The following HEPHL1 variants were observed in gnomAD, a reference collection of about 807,000 sequenced individuals.
HEPHL1 encodes hephaestin like 1, also known as ferroxidase HEPHL1.
HEPHL1 carries 123 observed loss-of-function variants against 122.0 expected under a neutral mutation model. The ratio of observed to expected loss-of-function variants is 1.01; its 90% CI spans 0.87 to 1.17. HEPHL1 has a LOEUF of 1.17. Ranked by LOEUF, HEPHL1 falls within the 50% of genes most tolerant of loss-of-function variation. The pLI, the probability that HEPHL1 is intolerant of heterozygous loss-of-function variation, is 0.00. For missense variants in HEPHL1, 1,452 were observed against 1,430.5 expected (o/e 1.01, Z -0.24); for synonymous variants, 527 against 508.9 (o/e 1.04, Z -0.48).
intron 1 of HEPHL1, among the ~76,000 whole-genome samples, chr11:94,035,767 C>T (rs1945715183): frequency 6.6e-6 from 1 of 152,190 alleles, no homozygotes; most frequent in Non-Finnish European, 1.5e-5. Context: ...GACGGAGTCT[C>T]ACTCTGTCAC....
chr11:94,099,793 G>A (rs1946352019), intron 13 of HEPHL1, among the ~76,000 whole-genome samples: 1 of 152,194 alleles, frequency 6.6e-6, no homozygotes, highest in South Asian at 2.1e-4. Context: ...AGGCTCCTTG[G>A]GTGTGGGTCC....
At chr11:94,034,772 C>T (rs111408797) in intron 1 of HEPHL1, among the ~76,000 whole-genome samples, 5 of 152,126 alleles carry the variant, frequency 3.3e-5, no homozygotes, top group South Asian at 2.1e-4. Context: ...CAGCTGAATC[C>T]GATACCAAGG....
chr11:94,073,524 C>A (rs967406514), intron 8 of HEPHL1, 85 bp downstream of exon 8: 3 of 1,344,926 alleles, frequency 2.2e-6, no homozygotes, highest in Admixed American at 2.2e-5. Context: ...AAATCCTGGT[C>A]CTTTCCATTA....
At chr11:94,047,004 C>T (rs1460506202) in intron 2 of HEPHL1, among the ~76,000 whole-genome samples, 3 of 152,116 alleles carry the variant, frequency 2.0e-5, no homozygotes, top group Non-Finnish European at 2.9e-5. Context: ...GAGGCAGCTG[C>T]TCCAGCCATG....
intron 9 of HEPHL1, among the ~76,000 whole-genome samples, chr11:94,078,094 G>C (rs1401389013): frequency 6.6e-6 from 1 of 152,084 alleles, no homozygotes; most frequent in African/African-American, 2.4e-5. Context: ...TCCTTTCCCA[G>C]AACAATGCAT....
chr11:94,111,672 CA>C lies in HEPHL1; in HGVS notation c.3278-18del, dbSNP rs1565365287. ...CCCCTCAAAAATGTCAGGGGCCTGACAAGTTTATCTTTTTCACAGAACGACC... is the reference window on the plus strand; with the variant it reads ...CCCCTCAAAAATGTCAGGGGCCTGACAGTTTATCTTTTTCACAGAACGACC... On this transcript the variant is annotated intron_variant, in intron 19 of 19. Coordinates refer to ENST00000315765, the MANE Select transcript of HEPHL1 (RefSeq NM_001098672.2). 6.2e-7 allele frequency: 1 copy of C among 1,612,788 alleles called. No individual in the cohort carries two copies. The highest frequency in any genetic ancestry group is 8.5e-7 in the Non-Finnish European group (1 of 1,179,188).
intron 13 of HEPHL1, among the ~76,000 whole-genome samples, chr11:94,098,265 C>T (rs990784618): frequency 2.0e-5 from 3 of 151,638 alleles, no homozygotes; most frequent in African/African-American, 7.3e-5. Context: ...TATTTCTCCA[C>T]TTATGAAGCT....
At chr11:94,085,943 G>A (rs760628064) in intron 10 of HEPHL1, 34 bp from the exon 11 acceptor site, 1 of 1,527,970 alleles carries the variant, frequency 6.5e-7, no homozygotes, top group East Asian at 2.2e-5. Flanking sequence ...CATACACACT[G>A]ATAATTTTTC....
intron 13 of HEPHL1, among the ~76,000 whole-genome samples, chr11:94,094,688 A>G (rs1324883808): frequency 6.6e-6 from 1 of 152,156 alleles, no homozygotes; most frequent in African/African-American, 2.4e-5. Flanking sequence ...AATGATCGCC[A>G]TTGTAACTGG....
chr11:94,021,531 G>A lies in HEPHL1; in HGVS notation c.163G>A (p.Glu55Lys), dbSNP rs1945582124. 1 of 1,605,336 alleles carries A rather than the reference G, an allele frequency of 6.2e-7. No individual in the cohort carries two copies. The highest frequency in any genetic ancestry group is 1.7e-5 in the Admixed American group (1 of 59,204). Residue 55 changes from glutamate (E) to lysine (K), a missense_variant, in exon 1 of 20, where the codon GAA becomes AAA. By Grantham distance (56) the Glu-to-Lys change is moderately conservative. Coordinates refer to ENST00000315765, the MANE Select transcript of HEPHL1 (RefSeq NM_001098672.2). The stretch of plus-strand genomic sequence containing the variant: ...TGTTATTACTGGGAAAAGTTTCACA[G>A]AAGACAAGTGAGTGAACTTAGGGTC... ...KNVITGKSFT[E>K]DKLATLFLER...
intron 2 of HEPHL1, among the ~76,000 whole-genome samples, chr11:94,046,496 C>CCT (rs1945840684): frequency 1.3e-5 from 2 of 148,626 alleles, no homozygotes; most frequent in African/African-American, 5.0e-5. Context: ...CCACCACGCA[C>CCT]CAGGAACACA....
At chr11:94,089,121 C>T (rs977092375) in intron 12 of HEPHL1, among the ~76,000 whole-genome samples, 153 bp downstream of exon 12, 15 of 152,190 alleles carry the variant, frequency 9.9e-5, no homozygotes, top group African/African-American at 3.6e-4. Flanking sequence ...AGGGAAGCTG[C>T]CCACCTCGGC....
chr11:94,075,323 TCTGGC>T lies in HEPHL1; in HGVS notation c.1659_1663del (p.Leu554ArgfsTer7), dbSNP rs1169126616. ...AGTTGATCCAATTAAGGACACCAGC[TCTGGC>T]CTGGTAGGGCCTTTGCTAGTCTGTA... On this transcript the variant is annotated frameshift_variant, in exon 9 of 20. Transcript: ENST00000315765. LOFTEE classifies it high-confidence loss of function. 6.2e-7 allele frequency: 1 copy of T among 1,613,518 alleles called. No homozygotes were observed. Among genetic ancestry groups the T allele is most frequent in the Admixed American group, 1.7e-5 (1 of 59,914 alleles).
chr11:94,030,306 C>T (rs572107818), intron 1 of HEPHL1, among the ~76,000 whole-genome samples: 1 of 152,320 alleles, frequency 6.6e-6, no homozygotes, highest in Non-Finnish European at 1.5e-5. Context: ...GCCTCTTCCT[C>T]TTCCTTCTCC....
rs543912681 is a variant in HEPHL1, at chr11:94,051,817, A to G, written c.415+5900A>G. On this transcript the variant is annotated intron_variant, in intron 2 of 19. Coordinates refer to ENST00000315765, the MANE Select transcript of HEPHL1 (RefSeq NM_001098672.2). ...TTTTGATTTGATTTGATTTTTGTCT[A>G]TGGTGAGAGATAGGAGTCTAGTTTT... 3.3e-5 allele frequency among the ~76,000 whole-genome samples: 5 copies of G among 152,222 alleles called. No homozygotes were observed. The South Asian group carries it at 1.0e-3, about 32-fold the overall frequency.
intron 2 of HEPHL1, among the ~76,000 whole-genome samples, chr11:94,059,107 T>A (rs1228319547): frequency 6.6e-6 from 1 of 152,200 alleles, no homozygotes; most frequent in African/African-American, 2.4e-5. Flanking sequence ...CTTTTTTCTA[T>A]ACATATATTA....
chr11:94,090,247 A>G (rs1480070684), intron 12 of HEPHL1, among the ~76,000 whole-genome samples: 1 of 152,186 alleles, frequency 6.6e-6, no homozygotes, highest in Non-Finnish European at 1.5e-5. Context: ...GTGCTGGTAC[A>G]GTGGAAAATG....
chr11:94,027,873 A>G (rs914106465), intron 1 of HEPHL1, among the ~76,000 whole-genome samples: 3 of 152,226 alleles, frequency 2.0e-5, no homozygotes, highest in African/African-American at 7.2e-5. Context: ...GGTATTAAAA[A>G]TTATTAATCT....
At chr11:94,039,738 T>G (rs1945758605) in intron 1 of HEPHL1, among the ~76,000 whole-genome samples, 3 of 149,484 alleles carry the variant, frequency 2.0e-5, no homozygotes, top group East Asian at 3.9e-4. Context: ...AGAGGGAAAT[T>G]TAGAGCACTA....
Sources: allele counts gnomAD v4.1 joint callset (sites outside exome capture counted in the v4.1 genomes callset), GRCh38; gene constraint gnomAD v4.1.1; transcripts MANE v1.5; gene names NCBI Gene and HGNC (gene_info 2026-07-23, HGNC 2026-07-21).